KCNH7: variants seen among roughly 807,000 people sequenced by gnomAD.
KCNH7 encodes potassium voltage-gated channel subfamily H member 7.
In KCNH7, 49 loss-of-function variants were observed where a neutral mutation model predicts 120.8. That is an observed-to-expected ratio of 0.41 (90% CI 0.32 to 0.51). The LOEUF is 0.51. Ranked by LOEUF, KCNH7 falls within the 20% of genes least tolerant of loss-of-function variation. The pLI is 0.38. For synonymous variants in KCNH7, 547 were observed against 516.1 expected (o/e 1.06, Z -0.81); for missense variants, 1,097 against 1,446.6 (o/e 0.76, Z 3.92).
intron 2 of KCNH7, among the ~76,000 whole-genome samples, chr2:162,731,519 A>G (rs1000083623): frequency 5.9e-5 from 9 of 151,902 alleles, no homozygotes; most frequent in African/African-American, 1.4e-4. Context: ...TACAGGTATT[A>G]ATTTGGGTGA....
At chr2:162,492,865 G>GTTTTTT (rs67006443) in intron 6 of KCNH7, among the ~76,000 whole-genome samples, 2 of 57,206 alleles carry the variant, frequency 3.5e-5, no homozygotes, top group Non-Finnish European at 7.1e-5. Flanking sequence ...CTTGGATCTT[G>GTTTTTT]TTTTTTTTTT....
intron 3 of KCNH7, among the ~76,000 whole-genome samples, chr2:162,526,898 C>A (rs1261678820): frequency 6.6e-6 from 1 of 152,004 alleles, no homozygotes; most frequent in Non-Finnish European, 1.5e-5. Flanking sequence ...TCCATGAAAT[C>A]TTCACAATTT....
At chr2:162,575,664 G>A (rs557848008) in intron 2 of KCNH7, among the ~76,000 whole-genome samples, 2 of 151,982 alleles carry the variant, frequency 1.3e-5, no homozygotes, top group Non-Finnish European at 1.5e-5. Flanking sequence ...CTTTCCCACG[G>A]AACATAAAAT....
In KCNH7 at chr2:162,437,851, G is replaced by A. The variant is rs2389712; in HGVS notation, c.1555-2254C>T. 8.1e-3 allele frequency among the ~76,000 whole-genome samples: 1,227 copies of A among 152,108 alleles called. 10 individuals carry two copies. Among genetic ancestry groups the A allele is most frequent in the Non-Finnish European group, 0.014 (926 of 67,992 alleles). ...TGGAATCACAAGTGGGGGCCTTTCC[G>A]TACTGGCCTTGCAGCTCGCCTCAAG... On this transcript the variant is annotated intron_variant, in intron 7 of 15. Coordinates refer to ENST00000332142, the MANE Select transcript of KCNH7 (RefSeq NM_033272.4).
At chr2:162,654,545 G>A (rs1684677819) in intron 2 of KCNH7, among the ~76,000 whole-genome samples, 1 of 152,052 alleles carries the variant, frequency 6.6e-6, no homozygotes, top group Non-Finnish European at 1.5e-5. Flanking sequence ...CACACTGTTG[G>A]TGGTTATGTA....
At chr2:162,429,176 C>A (rs182843577) in intron 8 of KCNH7, among the ~76,000 whole-genome samples, 86 of 151,792 alleles carry the variant, frequency 5.7e-4, no homozygotes, top group African/African-American at 1.8e-3. Flanking sequence ...TGGTCAACAT[C>A]TGCTTTAAAT....
At chr2:162,487,605 T>A (rs559893423) in intron 6 of KCNH7, among the ~76,000 whole-genome samples, 3 of 152,178 alleles carry the variant, frequency 2.0e-5, no homozygotes, top group African/African-American at 7.2e-5. Flanking sequence ...TGAAATGCTT[T>A]TTAATGAACT....
At chr2:162,639,565 A>T (rs1380359880) in intron 2 of KCNH7, among the ~76,000 whole-genome samples, 3 of 152,138 alleles carry the variant, frequency 2.0e-5, no homozygotes, top group Admixed American at 6.6e-5. Context: ...ATGGAAATTT[A>T]AAAAAGCATT....
At chr2:162,553,168 G>A (rs764011397) in intron 2 of KCNH7, among the ~76,000 whole-genome samples, 9 of 152,220 alleles carry the variant, frequency 5.9e-5, no homozygotes, top group African/African-American at 2.4e-5. Context: ...TCTGTGGGAA[G>A]TACAGTGTAC....
At chr2:162,789,080 C>T (rs956603490) in intron 2 of KCNH7, among the ~76,000 whole-genome samples, 5 of 149,796 alleles carry the variant, frequency 3.3e-5, no homozygotes, top group Non-Finnish European at 7.4e-5. Context: ...GATACTTTCC[C>T]AAACAAAGAC....
At chr2:162,761,536 A>G (rs1315026176) in intron 2 of KCNH7, among the ~76,000 whole-genome samples, 1 of 152,132 alleles carries the variant, frequency 6.6e-6, no homozygotes, top group African/African-American at 2.4e-5. Context: ...CAACATTCAC[A>G]TTTATTAAGT....
intron 2 of KCNH7, among the ~76,000 whole-genome samples, chr2:162,783,018 G>C (rs1489450558): frequency 1.3e-5 from 2 of 152,170 alleles, no homozygotes; most frequent in African/African-American, 2.4e-5. Context: ...GTGGGTCCTA[G>C]CCTGTCCTAA....
chr2:162,657,992 T>A (rs1338983785), intron 2 of KCNH7, among the ~76,000 whole-genome samples: 1 of 151,702 alleles, frequency 6.6e-6, no homozygotes, highest in Non-Finnish European at 1.5e-5. Flanking sequence ...GTGTGGGGAT[T>A]TTTGTAGGTG....
chr2:162,643,804 C>CAAAAAAAAAAAAAAAAAAAAA (rs781089376), intron 2 of KCNH7, among the ~76,000 whole-genome samples: 3 of 90,436 alleles, frequency 3.3e-5, no homozygotes, highest in Admixed American at 1.3e-4. Context: ...GACTCTATCT[C>CAAAAAAAAAAAAAAAAAAAAA]AAAAAAAAAA....
At chr2:162,813,847 C>A (rs115362781) in intron 2 of KCNH7, among the ~76,000 whole-genome samples, 3,844 of 152,202 alleles carry the variant, frequency 0.025, 160 homozygotes, top group African/African-American at 0.087. Flanking sequence ...TCCTAAGAAA[C>A]CTCTAAGTGA....
intron 2 of KCNH7, among the ~76,000 whole-genome samples, chr2:162,552,270 A>T (rs1240274451): frequency 6.6e-6 from 1 of 152,110 alleles, no homozygotes; most frequent in Non-Finnish European, 1.5e-5. Flanking sequence ...GGTTCTTAGT[A>T]CTCTGTTTAT....
chr2:162,719,717 G>A (rs534227727), intron 2 of KCNH7, among the ~76,000 whole-genome samples: 6 of 151,938 alleles, frequency 3.9e-5, no homozygotes, highest in East Asian at 1.9e-4. Context: ...CAACCTACTC[G>A]CTATTTCAAA....
At position 162,762,395 on chromosome 2, in the gene KCNH7, G is replaced by GA. The variant is rs397735105; in HGVS notation, c.307+74141dup. ...GGAAGGAAAGAGAGACTAACACTGGGACAGGGAGGGTGAATGAAGGAGATG... is the reference window on the plus strand; with the variant it reads ...GGAAGGAAAGAGAGACTAACACTGGGAACAGGGAGGGTGAATGAAGGAGATG... On this transcript the variant is annotated intron_variant, in intron 2 of 15. Transcript: ENST00000332142. Among the ~76,000 whole-genome samples, 121 of 151,538 alleles carry GA rather than the reference G, an allele frequency of 8.0e-4. No individual in the cohort carries two copies. The South Asian group carries it at 0.024, about 30-fold the overall frequency.
intron 2 of KCNH7, among the ~76,000 whole-genome samples, chr2:162,589,033 A>G (rs770509424): frequency 2.0e-5 from 3 of 152,076 alleles, no homozygotes; most frequent in African/African-American, 4.8e-5. Context: ...TAATCTGGGT[A>G]GTTAAGGTGG....
Sources: gnomAD v4.1 joint callset for allele counts (sites outside exome capture counted in the v4.1 genomes callset) on GRCh38, gnomAD v4.1.1 for gene constraint, MANE v1.5 for transcripts, NCBI Gene and HGNC (gene_info 2026-07-23, HGNC 2026-07-21) for gene names.